Variants in MYBPC1 observed in about 807,000 individuals in gnomAD.
The protein encoded by MYBPC1 is myosin-binding protein C, slow-type.
Under a neutral mutation model 147.1 loss-of-function variants are expected in MYBPC1, and 52 were observed. The ratio of observed to expected loss-of-function variants is 0.35; its 90% CI spans 0.28 to 0.45. The LOEUF (loss-of-function observed/expected upper bound fraction) is 0.45, where lower values mean the gene tolerates loss of function less well. MYBPC1 is among the 20% of genes least tolerant of loss of function. The pLI, the probability that MYBPC1 is intolerant of heterozygous loss-of-function variation, is 1.00. For missense variants in MYBPC1, 1,228 were observed against 1,440.3 expected, an observed-to-expected ratio of 0.85 and a Z score of 2.39; for synonymous variants, 477 against 475.9, an observed-to-expected ratio of 1.00 and a Z score of -0.03.
chr12:101,619,235 T>A (rs1231867905), intron 3 of MYBPC1, among the ~76,000 whole-genome samples: 1 of 152,112 alleles, frequency 6.6e-6, no homozygotes, highest in Admixed American at 6.5e-5. Context: ...CTATTTTTTT[T>A]TTTTAACCAT....
At chr12:101,661,896 C>CAAAAAAAAAAAAAA (rs66873575) in intron 20 of MYBPC1, among the ~76,000 whole-genome samples, 2 of 83,178 alleles carry the variant, frequency 2.4e-5, no homozygotes, top group East Asian at 6.7e-4. Context: ...GACTCTGTCT[C>CAAAAAAAAAAAAAA]AAAAAAAAAA....
In MYBPC1 at chr12:101,673,267, T is replaced by A. The variant is rs115144000; in HGVS notation, c.2614-160T>A. ...TAGTGCCTTGCACATAAAATACAGA[T>A]TACAGCTTTGCTGCTGTAATTGCTC... On this transcript the variant is annotated intron_variant, in intron 24 of 31. Transcript: ENST00000361466. Among the ~76,000 whole-genome samples the A allele has an allele frequency of 7.4e-3, 1,129 of 152,286 alleles. 18 individuals are homozygous for A. The highest frequency in any genetic ancestry group is 0.026 in the African/African-American group (1,088 of 41,560).
intron 26 of MYBPC1, among the ~76,000 whole-genome samples, chr12:101,676,728 G>A (rs1803863525): frequency 1.3e-5 from 2 of 151,690 alleles, no homozygotes; most frequent in Admixed American, 6.6e-5. Context: ...TCCAGCCTGG[G>A]TGACAGAGTG....
chr12:101,643,963 T>C lies in MYBPC1; in HGVS notation c.833-701T>C, dbSNP rs7307910. On this transcript the variant is annotated intron_variant, in intron 11 of 31. Transcript: ENST00000361466. ...CTGTGGTTAAAAAACCATCTGTGAC[T>C]TAGAAGGAGTGCAGAAATAAGGCCA... 2.9e-3 allele frequency among the ~76,000 whole-genome samples: 440 copies of C among 152,334 alleles called. 1 individual carries two copies. Among genetic ancestry groups the C allele is most frequent in the Non-Finnish European group, 5.0e-3 (341 of 68,016 alleles).
chr12:101,634,929 G>C (rs1277373297), intron 9 of MYBPC1, among the ~76,000 whole-genome samples: 1 of 152,124 alleles, frequency 6.6e-6, no homozygotes, highest in Non-Finnish European at 1.5e-5. Flanking sequence ...ATGGCCAAAA[G>C]AAATACGCAA....
rs779510238 is a variant in MYBPC1, at chr12:101,662,479, C to T, written c.2154C>T (p.Arg718=). The change falls in exon 21 of 32, where the codon CGC becomes CGT. Residue 718 remains arginine (R), a synonymous_variant. Transcript: ENST00000361466. ...TTGAAGGTGTGGCCTATGAGGTCCG[C>T]ATCTTTGCAGTCAATGCCATTGGCA... ...KMIEGVAYEV[R]IFAVNAIGIS... 3.1e-6 allele frequency: 5 copies of T among 1,614,210 alleles called. No individual in the cohort carries two copies. The Admixed American group carries it at 8.3e-5, about 27-fold the overall frequency.
intron 1 of MYBPC1, among the ~76,000 whole-genome samples, chr12:101,603,907 G>T (rs1442175614): frequency 6.6e-6 from 1 of 152,110 alleles, no homozygotes; most frequent in Non-Finnish European, 1.5e-5. Context: ...CTCCTGCCTG[G>T]GTGGCAGAGT....
intron 4 of MYBPC1, 83 bp from the exon 5 acceptor site, chr12:101,627,686 G>T: frequency 6.7e-7 from 1 of 1,485,366 alleles, no homozygotes; most frequent in Non-Finnish European, 9.4e-7. Flanking sequence ...GGGTTTAGGG[G>T]AATCCAAGAA....
chr12:101,621,304 C>T (rs1045742606), intron 3 of MYBPC1, among the ~76,000 whole-genome samples: 2 of 152,104 alleles, frequency 1.3e-5, no homozygotes, highest in Non-Finnish European at 2.9e-5. Flanking sequence ...CACTATTAGG[C>T]AAGATTGATT....
chr12:101,663,603 G>T, intron 22 of MYBPC1, 43 bp downstream of exon 22: 1 of 1,596,328 alleles, frequency 6.3e-7, no homozygotes, highest in Non-Finnish European at 8.6e-7. Flanking sequence ...TCATCAATAG[G>T]TGAGATATGT....
intron 3 of MYBPC1, among the ~76,000 whole-genome samples, chr12:101,618,724 A>C (rs1886708090): frequency 6.6e-6 from 1 of 152,090 alleles, no homozygotes; most frequent in African/African-American, 2.4e-5. Context: ...ATTTATGGAG[A>C]ACACAGCGTG....
intron 18 of MYBPC1, among the ~76,000 whole-genome samples, chr12:101,653,775 G>C (rs1895010767): frequency 6.6e-6 from 1 of 152,188 alleles, no homozygotes; most frequent in Admixed American, 6.5e-5. Context: ...CAGAAGGAAA[G>C]CCAGCATGGC....
In MYBPC1 at chr12:101,667,599, C is replaced by G. The variant is rs544339091; in HGVS notation, c.2357-133C>G. Reference sequence around the variant, plus strand: ...CCACCCATGTAGTCGGAGTCCAGACCAAAGTCATAATGTCTCTAAATGATG... The same window carrying G: ...CCACCCATGTAGTCGGAGTCCAGACGAAAGTCATAATGTCTCTAAATGATG... On this transcript the variant is annotated intron_variant, in intron 22 of 31. Transcript: ENST00000361466. 6.5e-4 allele frequency: 710 copies of G among 1,088,948 alleles called. 8 individuals are homozygous for G. The South Asian group carries it at 9.1e-3, about 14-fold the overall frequency. The allele number at this position is 1,088,948 out of a possible 1,614,324, so 67.5% of individuals were successfully genotyped here. A position where few individuals can be genotyped will look rare whatever the true frequency, so the allele number is the denominator to read the frequency against.
intron 29 of MYBPC1, among the ~76,000 whole-genome samples, chr12:101,682,037 C>G (rs943815512): frequency 1.3e-5 from 2 of 151,838 alleles, no homozygotes; most frequent in Non-Finnish European, 2.9e-5. Flanking sequence ...AAATTTCAAG[C>G]CTTACTATTG....
chr12:101,649,688 T>TA (rs1443317543), intron 15 of MYBPC1, among the ~76,000 whole-genome samples: 1 of 152,112 alleles, frequency 6.6e-6, no homozygotes, highest in African/African-American at 2.4e-5. Context: ...TCCAAGACCG[T>TA]AAAAATAGGG....
At position 101,682,589 on chromosome 12, in the gene MYBPC1, AT is replaced by A; in HGVS notation, c.3434-13del. 1 of 1,608,194 alleles carries A rather than the reference AT, an allele frequency of 6.2e-7. No homozygotes were observed. Among genetic ancestry groups the A allele is most frequent in the Non-Finnish European group, 8.5e-7 (1 of 1,174,744 alleles). The stretch of plus-strand genomic sequence containing the variant: ...AGAATAAATAAATACTGGTACAAAT[AT>A]TCTGATTCTGCAGTGATATATCAAG... On this transcript the variant is annotated splice_polypyrimidine_tract_variant and intron_variant, in intron 29 of 31. Transcript: ENST00000361466.
intron 1 of MYBPC1, among the ~76,000 whole-genome samples, chr12:101,609,494 G>A (rs761650346): frequency 7.9e-5 from 12 of 151,776 alleles, no homozygotes; most frequent in Non-Finnish European, 1.6e-4. Context: ...CGTTGCCCAG[G>A]TAGGTCTCAA....
At chr12:101,688,190 C>A (rs528740307), downstream of MYBPC1, among the ~76,000 whole-genome samples, 30 of 152,226 alleles carry the variant, frequency 2.0e-4, no homozygotes, top group African/African-American at 7.2e-4. Flanking sequence ...GAGGCCGAGG[C>A]GGGCAGATCA....
At position 101,684,362 on chromosome 12, in the gene MYBPC1, CCT is replaced by C. The variant is rs1951222887; in HGVS notation, c.3493-17_3493-16del. ...AATGCTTACGACTTCTCTCTCTCTC[CCT>C]CTTTCTCTTTTCCTTAGTCATTGCA... On this transcript the variant is annotated intron_variant, in intron 30 of 31. Transcript: ENST00000361466. 1 of 1,560,234 alleles carries C rather than the reference CCT, an allele frequency of 6.4e-7. No homozygotes were observed. The highest frequency in any genetic ancestry group is 8.8e-7 in the Non-Finnish European group (1 of 1,140,670).
Sources: gnomAD v4.1 joint callset for allele counts (sites outside exome capture counted in the v4.1 genomes callset) on GRCh38, gnomAD v4.1.1 for gene constraint, MANE v1.5 for transcripts, NCBI Gene and HGNC (gene_info 2026-07-23, HGNC 2026-07-21) for gene names.